The following ZNF438 variants were observed in gnomAD, a reference collection of about 807,000 sequenced individuals.
ZNF438 encodes the protein zinc finger protein 438.
Under a neutral mutation model 38.0 loss-of-function variants are expected in ZNF438, and 25 were observed. The ratio of observed to expected loss-of-function variants is 0.66; its 90% confidence interval spans 0.48 to 0.92. ZNF438 has a LOEUF of 0.92. Ranked by LOEUF, ZNF438 falls within the 40% of genes least tolerant of loss-of-function variation. The pLI is 0.00. For missense variants in ZNF438, 1,007 were observed against 999.6 expected, an observed-to-expected ratio of 1.01 and a Z score of -0.10; for synonymous variants, 372 against 364.1, an observed-to-expected ratio of 1.02 and a Z score of -0.25.
chr10:30,968,434 CTTTTTTTTT>C (rs546132410), intron 1 of ZNF438, among the ~76,000 whole-genome samples: 6 of 103,614 alleles, frequency 5.8e-5, no homozygotes, highest in African/African-American at 8.1e-5. Flanking sequence ...TGAATGTAAA[CTTTTTTTTT>C]TTTTTTTTTT....
intron 3 of ZNF438, among the ~76,000 whole-genome samples, chr10:30,905,332 T>A (rs2134392765): frequency 6.6e-6 from 1 of 152,334 alleles, no homozygotes; most frequent in South Asian, 2.1e-4. Context: ...TGAAGCAGTG[T>A]TTCATTGTGG....
intron 2 of ZNF438, among the ~76,000 whole-genome samples, chr10:30,926,568 A>G (rs1175002331): frequency 6.6e-6 from 1 of 151,960 alleles, no homozygotes; most frequent in Non-Finnish European, 1.5e-5. Flanking sequence ...GGGGAGGCTG[A>G]GACAGGAGAA....
chr10:30,971,418 T>C (rs2050726617), intron 1 of ZNF438, among the ~76,000 whole-genome samples: 1 of 152,156 alleles, frequency 6.6e-6, no homozygotes, highest in Admixed American at 6.5e-5. Context: ...TATACATATA[T>C]ATGCATAAAA....
chr10:30,853,588 G>A (rs147881621), intron 4 of ZNF438, among the ~76,000 whole-genome samples: 3 of 152,164 alleles, frequency 2.0e-5, no homozygotes, highest in Non-Finnish European at 2.9e-5. Context: ...TTCCTTCAAG[G>A]TTTTGCACAA....
rs370134204 is a variant in ZNF438 at position 30,956,047 on chromosome 10, G to A, written c.-191-14396C>T. ...AATCACTGCAATTATAACCATTTTC[G>A]TCTTACTAAATAAACTATTGTACAT... On this transcript the variant is annotated intron_variant, in intron 1 of 5. Transcript: ENST00000413025. Among the ~76,000 whole-genome samples, 91 of 152,070 alleles carry A rather than the reference G, an allele frequency of 6.0e-4. 1 individual carries two copies. In the South Asian group the frequency reaches 8.7e-3, roughly 15 times the overall value.
At chr10:30,910,432 A>T (rs2042961880) in intron 2 of ZNF438, 1 of 152,188 alleles carries the variant, frequency 6.6e-6, no homozygotes, top group Non-Finnish European at 1.5e-5. Flanking sequence ...CACTCCCAGG[A>T]TGAGCTTCCT....
intron 2 of ZNF438, among the ~76,000 whole-genome samples, chr10:30,925,120 T>C (rs2044759814): frequency 6.6e-6 from 1 of 152,194 alleles, no homozygotes; most frequent in Non-Finnish European, 1.5e-5. Flanking sequence ...GACAATTAAG[T>C]CATTTGCCAA....
At chr10:31,022,414 A>C (rs960134607) in intron 1 of ZNF438, among the ~76,000 whole-genome samples, 1 of 152,236 alleles carries the variant, frequency 6.6e-6, no homozygotes, top group African/African-American at 2.4e-5. Context: ...GGTGCACACC[A>C]CCATGCCTGG....
exon 4 of ZNF438, chr10:30,877,044 C>T: frequency 6.2e-7 from 1 of 1,602,048 alleles, no homozygotes; most frequent in Non-Finnish European, 8.5e-7. Context: ...TTATGATGTA[C>T]TGGACTTGAA....
chr10:30,878,165 CCT>C (rs1300958508), intron 3 of ZNF438, among the ~76,000 whole-genome samples: 3 of 152,266 alleles, frequency 2.0e-5, no homozygotes, highest in Non-Finnish European at 4.4e-5. Flanking sequence ...AACTTCTATC[CCT>C]GTTTGCCTGT....
chr10:30,922,583 C>A (rs1187551815), intron 2 of ZNF438, among the ~76,000 whole-genome samples: 1 of 152,104 alleles, frequency 6.6e-6, no homozygotes, highest in Non-Finnish European at 1.5e-5. Context: ...CCTGTAATCC[C>A]AGCACTTTGG....
chr10:30,852,082 G>C (rs2033746732), intron 4 of ZNF438, among the ~76,000 whole-genome samples: 1 of 151,636 alleles, frequency 6.6e-6, no homozygotes, highest in South Asian at 2.1e-4. Flanking sequence ...AGAATCACTT[G>C]AACCCTGGAG....
At chr10:30,996,000 G>A (rs374442326) in intron 1 of ZNF438, among the ~76,000 whole-genome samples, 2 of 152,132 alleles carry the variant, frequency 1.3e-5, no homozygotes, top group East Asian at 3.9e-4. Context: ...AACAGAGGAA[G>A]TCTATTTTGC....
intron 1 of ZNF438, among the ~76,000 whole-genome samples, chr10:31,015,862 TCA>T (rs2056150928): frequency 6.6e-6 from 1 of 152,222 alleles, no homozygotes; most frequent in Non-Finnish European, 1.5e-5. Flanking sequence ...TACTGTGTCT[TCA>T]CACAGGTGAA....
At chr10:30,895,970 A>G (rs2041275704) in intron 3 of ZNF438, among the ~76,000 whole-genome samples, 1 of 152,192 alleles carries the variant, frequency 6.6e-6, no homozygotes, top group Non-Finnish European at 1.5e-5. Context: ...AAATAGAATT[A>G]CCATATGGTC....
At chr10:30,981,079 T>A (rs2052073864) in intron 1 of ZNF438, among the ~76,000 whole-genome samples, 1 of 152,218 alleles carries the variant, frequency 6.6e-6, no homozygotes. Context: ...CTTCTAGTTG[T>A]CCAACAGTTA....
intron 4 of ZNF438, among the ~76,000 whole-genome samples, chr10:30,855,949 C>T (rs79433638): frequency 0.044 from 6,639 of 152,252 alleles, 229 homozygotes; most frequent in Non-Finnish European, 0.057. Flanking sequence ...AACTTCCCAC[C>T]GAATACGCTC....
intron 4 of ZNF438, among the ~76,000 whole-genome samples, chr10:30,868,963 T>C (rs1046214022): frequency 1.3e-5 from 2 of 152,374 alleles, no homozygotes; most frequent in East Asian, 1.9e-4. Flanking sequence ...CTATGAAATA[T>C]ATTTACATGG....
intron 1 of ZNF438, among the ~76,000 whole-genome samples, chr10:31,013,468 G>A (rs1029078848): frequency 6.6e-6 from 1 of 151,910 alleles, no homozygotes; most frequent in Admixed American, 6.6e-5. Context: ...CCACTTTCAA[G>A]CTCCCTACAC....
Sources: gnomAD v4.1 joint callset for allele counts (sites outside exome capture counted in the v4.1 genomes callset) on GRCh38, gnomAD v4.1.1 for gene constraint, MANE v1.5 for transcripts, NCBI Gene and HGNC (gene_info 2026-07-23, HGNC 2026-07-21) for gene names.